The following NPHP1 variants were observed in gnomAD, a reference collection of about 807,000 sequenced individuals.
NPHP1 encodes the protein nephrocystin-1.
A neutral mutation model predicts 90.4 loss-of-function variants in NPHP1; 70 were observed. That is an observed-to-expected ratio of 0.77 (90% CI 0.64 to 0.95). The LOEUF is 0.95. NPHP1 is among the 40% of genes least tolerant of loss of function. NPHP1 has a pLI of 0.00. For missense variants in NPHP1, 764 were observed against 795.9 expected (o/e 0.96, Z 0.48); for synonymous variants, 256 against 271.7 (o/e 0.94, Z 0.57).
intron 2 of NPHP1, among the ~76,000 whole-genome samples, chr2:110,191,167 G>A (rs914970354): frequency 6.6e-6 from 1 of 152,154 alleles, no homozygotes; most frequent in Non-Finnish European, 1.5e-5. Context: ...GACAGTGGGT[G>A]CAGGAAAGTG....
intron 16 of NPHP1, among the ~76,000 whole-genome samples, chr2:110,142,416 A>G (rs1680713147): frequency 6.6e-6 from 1 of 151,410 alleles, no homozygotes; most frequent in East Asian, 1.9e-4. Context: ...ATCACAGCTC[A>G]CTGCAGCCTC....
chr2:110,203,399 C>T (rs879577500), intron 1 of NPHP1, among the ~76,000 whole-genome samples: 6 of 152,116 alleles, frequency 3.9e-5, no homozygotes, highest in Non-Finnish European at 8.8e-5. Flanking sequence ...CATGTACCCC[C>T]TGAATCTAAA....
At chr2:110,160,397 C>T (rs944757700) in intron 10 of NPHP1, 142 bp from the exon 11 acceptor site, 13 of 621,018 alleles carry the variant, frequency 2.1e-5, no homozygotes, top group African/African-American at 2.0e-4. Context: ...AGTTTCAATA[C>T]TCTGTTCATT....
intron 9 of NPHP1, 49 bp from the exon 10 acceptor site, chr2:110,161,746 A>C: frequency 7.5e-7 from 1 of 1,336,870 alleles, no homozygotes; most frequent in Non-Finnish European, 1.1e-6. Flanking sequence ...AGAAACTCCA[A>C]ATCAAAAATC....
At chr2:110,135,293 C>T (rs986670762) in intron 16 of NPHP1, among the ~76,000 whole-genome samples, 28 of 151,528 alleles carry the variant, frequency 1.8e-4, no homozygotes, top group South Asian at 4.2e-4. Context: ...TTGGCTAACA[C>T]GGTGAAACCC....
chr2:110,188,064 G>A (rs1684420407), intron 2 of NPHP1, among the ~76,000 whole-genome samples: 1 of 152,126 alleles, frequency 6.6e-6, no homozygotes, highest in African/African-American at 2.4e-5. Context: ...ATATCATACT[G>A]AATGGGCAAA....
chr2:110,175,350 G>T (rs202050810), intron 4 of NPHP1, among the ~76,000 whole-genome samples: 1 of 152,090 alleles, frequency 6.6e-6, no homozygotes, highest in East Asian at 1.9e-4. Context: ...TGGGATCATT[G>T]TCTGCTAGCC....
intron 3 of NPHP1, 114 bp from the exon 4 acceptor site, chr2:110,178,661 C>T (rs891385121): frequency 7.2e-6 from 6 of 834,690 alleles, no homozygotes; most frequent in African/African-American, 5.1e-5. Flanking sequence ...ATCAGTGTGA[C>T]ATTACACCTA....
rs777975462 is a variant in NPHP1, at chr2:110,169,923, A to G, written c.405T>C (p.Asp135=). ...CTTTCTCTTCCTCTTCCTCCTCTGC[A>G]TCTTCTTCCTCCCCACCACTGTCTT... ...DSEDSGGEEE[D]AEEEEEEKEE... The change falls in exon 5 of 20, where the codon GAT becomes GAC. Residue 135 remains aspartate (D), a synonymous_variant. Coordinates refer to ENST00000445609, the MANE Select transcript of NPHP1 (RefSeq NM_001128178.3). 3 of 1,605,918 alleles carry G rather than the reference A, an allele frequency of 1.9e-6. No homozygotes were observed. In the South Asian group the frequency reaches 3.3e-5, roughly 18 times the overall value.
Position 110,123,559 on chromosome 2 carries a change from A to C in NPHP1, c.*232T>G. On this transcript the variant is annotated 3_prime_UTR_variant, in exon 20 of 20. Coordinates refer to ENST00000445609, the MANE Select transcript of NPHP1 (RefSeq NM_001128178.3). ...TTAAGTAGCTGTTTTTGAAAAAATA[A>C]ATACTGTTTAAATTTAGATATAACA... is the stretch of plus-strand genomic sequence containing the variant. The C allele has an allele frequency of 6.8e-6, 3 of 441,778 alleles. No individual in the cohort carries two copies. Among genetic ancestry groups the C allele is most frequent in the Non-Finnish European group, 1.2e-5 (3 of 252,248 alleles). 27.4% of individuals were successfully genotyped at this position (441,778 alleles called of 1,614,324 possible).
chr2:110,155,139 C>G (rs537854104), intron 11 of NPHP1, among the ~76,000 whole-genome samples: 1 of 152,252 alleles, frequency 6.6e-6, no homozygotes, highest in East Asian at 1.9e-4. Flanking sequence ...AAGATAAGCT[C>G]AGGCTGTGGC....
intron 2 of NPHP1, among the ~76,000 whole-genome samples, chr2:110,180,448 CTTTT>C (rs3086121): frequency 5.2e-4 from 42 of 80,908 alleles, no homozygotes; most frequent in African/African-American, 1.2e-3. Flanking sequence ...CCGTTTGAGT[CTTTT>C]TTTTTTTTTT....
intron 11 of NPHP1, among the ~76,000 whole-genome samples, chr2:110,151,327 C>G (rs537526203): frequency 6.6e-6 from 1 of 152,082 alleles, no homozygotes; most frequent in South Asian, 2.1e-4. Context: ...AATTCAATCT[C>G]TTATAAAATG....
At chr2:110,133,318 T>C (rs1290014286) in intron 16 of NPHP1, among the ~76,000 whole-genome samples, 3 of 152,054 alleles carry the variant, frequency 2.0e-5, no homozygotes, top group Non-Finnish European at 4.4e-5. Flanking sequence ...ACAAAGGATA[T>C]TGTACAATCA....
rs750200627 is a variant in NPHP1 at position 110,204,868 on chromosome 2, G to A, written c.69+32C>T. The A allele has an allele frequency of 3.7e-6, 6 of 1,609,994 alleles. No homozygotes were observed. The Admixed American group carries it at 8.3e-5, about 22-fold the overall frequency. ...GCGCAGCTGCGTCCGCCTGTCGCCCGCCCCAGGGCCCTCTGCACAGCCTGA... is the reference window on the plus strand; with the variant it reads ...GCGCAGCTGCGTCCGCCTGTCGCCCACCCCAGGGCCCTCTGCACAGCCTGA... On this transcript the variant is annotated intron_variant, in intron 1 of 19. Transcript: ENST00000445609.
intron 19 of NPHP1, chr2:110,124,369 T>G: frequency 2.2e-6 from 1 of 457,194 alleles, no homozygotes; most frequent in Non-Finnish European, 4.0e-6. Context: ...CAGTCTAATT[T>G]TGGTGACACC....
intron 11 of NPHP1, among the ~76,000 whole-genome samples, chr2:110,156,168 T>C (rs950433170): frequency 5.3e-5 from 8 of 150,720 alleles, no homozygotes; most frequent in Non-Finnish European, 1.0e-4. Context: ...ACCTCCCAGG[T>C]CCCGGTTCAA....
chr2:110,127,404 A>C lies in NPHP1; in HGVS notation c.1717-1723T>G, dbSNP rs574342831. On this transcript the variant is annotated intron_variant, in intron 18 of 19. Coordinates refer to ENST00000445609, the MANE Select transcript of NPHP1 (RefSeq NM_001128178.3). ...GAAGAAGGCTCATGGGTGTAGAAAC[A>C]ACCACCACTTTCTTTTTTAAAATTA... The C allele has an allele frequency of 3.9e-5, 6 of 152,290 alleles. No homozygotes were observed. The East Asian group carries it at 9.6e-4, about 24-fold the overall frequency. The allele number at this position is 152,290 out of a possible 1,614,324, so 9.4% of individuals were successfully genotyped here. A position where few individuals can be genotyped will look rare whatever the true frequency, so the allele number is the denominator to read the frequency against.
At position 110,141,905 on chromosome 2, in the gene NPHP1, G is replaced by A. The variant is rs1163609021; in HGVS notation, c.1529+1637C>T. 1.4e-4 allele frequency among the ~76,000 whole-genome samples: 21 copies of A among 150,886 alleles called. 1 individual carries two copies. The highest frequency in any genetic ancestry group is 8.6e-4 in the Admixed American group (13 of 15,166). On this transcript the variant is annotated intron_variant, in intron 16 of 19. Coordinates refer to ENST00000445609, the MANE Select transcript of NPHP1 (RefSeq NM_001128178.3). ...GGAAAATGGCGTGAACCCGGGAGGC[G>A]GAGCTTGCAGTGAGCCGAGATGGTG...
Sources: gnomAD v4.1 joint callset for allele counts (sites outside exome capture counted in the v4.1 genomes callset) on GRCh38, gnomAD v4.1.1 for gene constraint, MANE v1.5 for transcripts, NCBI Gene and HGNC (gene_info 2026-07-23, HGNC 2026-07-21) for gene names.